CD55: variants seen among roughly 807,000 people sequenced by gnomAD.
CD55 encodes complement decay-accelerating factor.
A neutral mutation model predicts 45.8 loss-of-function variants in CD55; 41 were observed. The observed-to-expected ratio is 0.90, with a 90% CI of 0.70 to 1.16. The LOEUF (loss-of-function observed/expected upper bound fraction) is 1.16. Ranked by LOEUF, CD55 falls within the 50% of genes most tolerant of loss-of-function variation. CD55 has a pLI of 0.00. For missense variants in CD55, 416 were observed against 469.8 expected (o/e 0.89, Z 1.06); for synonymous variants, 181 against 181.1 (o/e 1.00, Z 0.01).
chr1:207,343,220 T>G (rs912096500), intron 9 of CD55, among the ~76,000 whole-genome samples: 4 of 152,142 alleles, frequency 2.6e-5, no homozygotes, highest in Non-Finnish European at 4.4e-5. Flanking sequence ...TCTGCTAATT[T>G]TGGGGTTGGT....
At chr1:207,325,756 A>G in intron 4 of CD55, 35 bp downstream of exon 4, 1 of 1,253,424 alleles carries the variant, frequency 8.0e-7, no homozygotes, top group Non-Finnish European at 1.2e-6. Flanking sequence ...TGTATTTAGG[A>G]AATGAGAAAA....
chr1:207,336,402 G>T (rs1655173276), intron 6 of CD55, among the ~76,000 whole-genome samples: 2 of 152,142 alleles, frequency 1.3e-5, no homozygotes, highest in South Asian at 4.1e-4. Context: ...CACAGAATAA[G>T]ATCACTAGTG....
Position 207,331,193 on chromosome 1 carries a change from G to T in CD55, c.750G>T (p.Thr250=). Residue 250 remains threonine (T), a synonymous_variant, in exon 6 of 10, where the codon ACG becomes ACT. Transcript: ENST00000367064. ...RDHYGYRQSV[T]YACNKGFTMI... ...ATTATGGATATAGACAGTCTGTAACGTATGCATGTAATAAAGGATTCACCA... is the reference window on the plus strand; with the variant it reads ...ATTATGGATATAGACAGTCTGTAACTTATGCATGTAATAAAGGATTCACCA... The T allele has an allele frequency of 6.2e-7, 1 of 1,612,644 alleles. No individual in the cohort carries two copies. The highest frequency in any genetic ancestry group is 8.5e-7 in the Non-Finnish European group (1 of 1,178,758).
chr1:207,325,111 G>A (rs986792500), intron 3 of CD55, among the ~76,000 whole-genome samples: 1 of 152,098 alleles, frequency 6.6e-6, no homozygotes, highest in Admixed American at 6.5e-5. Flanking sequence ...GAGGCAGGTG[G>A]ACCACTTGAG....
intron 5 of CD55, among the ~76,000 whole-genome samples, chr1:207,327,232 A>C (rs1486050451): frequency 3.3e-5 from 5 of 152,208 alleles, no homozygotes; most frequent in Non-Finnish European, 7.3e-5. Context: ...TCCTAAAACA[A>C]GTGGCAATGG....
intron 9 of CD55, among the ~76,000 whole-genome samples, chr1:207,346,727 C>A (rs769869375): frequency 4.6e-5 from 7 of 152,184 alleles, no homozygotes; most frequent in Non-Finnish European, 7.3e-5. Context: ...GGCCACAGAG[C>A]AAGATGCAGT....
chr1:207,350,009 CT>C, intron 9 of CD55: 1 of 409,678 alleles, frequency 2.4e-6, no homozygotes, highest in Non-Finnish European at 4.8e-6. Flanking sequence ...CCTGGCGGCT[CT>C]TATTATTTTG....
At chr1:207,355,747 A>C (rs891467878) in intron 9 of CD55, among the ~76,000 whole-genome samples, 26 of 152,134 alleles carry the variant, frequency 1.7e-4, no homozygotes, top group African/African-American at 6.0e-4. Flanking sequence ...GACTCAATTT[A>C]CTCATCTAAA....
chr1:207,326,657 G>T (rs1654696812), intron 4 of CD55, 95 bp from the exon 5 acceptor site: 5 of 862,458 alleles, frequency 5.8e-6, no homozygotes, highest in South Asian at 1.4e-5. Context: ...ACCTAATTGT[G>T]TAGTAAATAT....
At chr1:207,334,108 T>C (rs905759405) in intron 6 of CD55, among the ~76,000 whole-genome samples, 1 of 152,000 alleles carries the variant, frequency 6.6e-6, no homozygotes, top group Non-Finnish European at 1.5e-5. Context: ...AAAATCTAAC[T>C]CTAAGCTGAA....
intron 2 of CD55, among the ~76,000 whole-genome samples, chr1:207,323,340 TA>T (rs895418313): frequency 2.4e-4 from 37 of 151,222 alleles, no homozygotes; most frequent in African/African-American, 8.8e-4. Context: ...TATAGACAGG[TA>T]GATAGGTTGA....
At chr1:207,345,981 G>A (rs1490496409) in intron 9 of CD55, among the ~76,000 whole-genome samples, 1 of 152,242 alleles carries the variant, frequency 6.6e-6, no homozygotes, top group African/African-American at 2.4e-5. Flanking sequence ...GCCTGTCCTT[G>A]GGCCCAGGGT....
intron 9 of CD55, among the ~76,000 whole-genome samples, chr1:207,343,108 T>C (rs941436690): frequency 2.0e-5 from 3 of 152,134 alleles, no homozygotes; most frequent in Admixed American, 2.0e-4. Context: ...AGCAAGTACT[T>C]TATCAGTTTG....
intron 9 of CD55, among the ~76,000 whole-genome samples, chr1:207,359,040 T>C (rs1475197461): frequency 1.3e-5 from 2 of 152,150 alleles, no homozygotes; most frequent in African/African-American, 2.4e-5. Flanking sequence ...AGAAAAATTA[T>C]AATATGTGCT....
chr1:207,336,669 G>A, intron 6 of CD55, 24 bp from the exon 7 acceptor site: 1 of 1,612,262 alleles, frequency 6.2e-7, no homozygotes, highest in Non-Finnish European at 8.5e-7. Context: ...TAGCTAACTT[G>A]TTTCTCAACC....
chr1:207,358,683 G>A (rs1445358711), intron 9 of CD55: 2 of 152,102 alleles, frequency 1.3e-5, no homozygotes, highest in African/African-American at 4.8e-5. Context: ...AATACCCTTG[G>A]CTAGGGGGTT....
rs1333825566 is a variant in CD55 at position 207,322,426 on chromosome 1, T to G, written c.145T>G (p.Leu49Val). The change falls in exon 2 of 10, where the codon TTG becomes GTG. Residue 49 changes from leucine to valine, a missense_variant. Leu to Val is a conservative substitution (Grantham distance 32). Around this residue, in one of 3 missense-constraint regions of CD55, gnomAD observed 123 missense variants for 105.1 expected, o/e 1.17. Coordinates refer to ENST00000367064, the MANE Select transcript of CD55 (RefSeq NM_000574.5). ...PPDVPNAQPA[L>V]EGRTSFPEDT... Reference sequence around the variant, plus strand: ...AGATGTACCTAATGCCCAGCCAGCTTTGGAAGGCCGTACAAGTTTTCCCGA... The same window carrying G: ...AGATGTACCTAATGCCCAGCCAGCTGTGGAAGGCCGTACAAGTTTTCCCGA... 2 of 1,614,098 alleles carry G rather than the reference T, an allele frequency of 1.2e-6. No individual in the cohort carries two copies. Among genetic ancestry groups the G allele is most frequent in the Admixed American group, 3.3e-5 (2 of 60,010 alleles).
chr1:207,351,489 G>C (rs1386723822), intron 9 of CD55, among the ~76,000 whole-genome samples: 4 of 152,120 alleles, frequency 2.6e-5, no homozygotes, highest in Non-Finnish European at 5.9e-5. Flanking sequence ...TCTCTTCATA[G>C]GTCTTTAAGA....
chr1:207,328,493 C>T (rs1333681412), intron 5 of CD55, among the ~76,000 whole-genome samples: 3 of 152,130 alleles, frequency 2.0e-5, no homozygotes, highest in East Asian at 1.9e-4. Context: ...AATATGGATA[C>T]GAAGAAGGAA....
Sources: gnomAD v4.1 joint callset for allele counts (sites outside exome capture counted in the v4.1 genomes callset) on GRCh38, gnomAD v4.1.1 for gene constraint, gnomAD v4.1.1 regional missense constraint, MANE v1.5 for transcripts, NCBI Gene and HGNC (gene_info 2026-07-23, HGNC 2026-07-21) for gene names.